LSAMP: variants seen among roughly 807,000 people sequenced by gnomAD.
LSAMP encodes the protein limbic system associated membrane protein, also known as limbic system-associated membrane protein.
Under a neutral mutation model 38.6 loss-of-function variants are expected in LSAMP, and 7 were observed. The observed-to-expected ratio is 0.18, with a 90% CI of 0.10 to 0.34. The LOEUF is 0.34. Among genes scored for constraint, LSAMP ranks in the 10% least tolerant of loss-of-function variants. The pLI is 1.00. For synonymous variants in LSAMP, 154 were observed against 166.8 expected (o/e 0.92, Z 0.59); for missense variants, 313 against 420.0 (o/e 0.75, Z 2.23).
At chr3:116,032,912 A>G (rs1338396695) in intron 2 of LSAMP, among the ~76,000 whole-genome samples, 1 of 152,184 alleles carries the variant, frequency 6.6e-6, no homozygotes, top group Admixed American at 6.6e-5. Context: ...AACTAGAGAT[A>G]AGAAAGTCTG....
At chr3:116,195,323 T>A (rs1386361936) in intron 1 of LSAMP, among the ~76,000 whole-genome samples, 1 of 152,226 alleles carries the variant, frequency 6.6e-6, no homozygotes, top group Non-Finnish European at 1.5e-5. Flanking sequence ...GATTTCTGAC[T>A]CCTGTTTCCT....
chr3:116,341,761 C>T (rs1487949150), intron 1 of LSAMP, among the ~76,000 whole-genome samples: 1 of 151,924 alleles, frequency 6.6e-6, no homozygotes, highest in Non-Finnish European at 1.5e-5. Context: ...GAAATGACTC[C>T]CGCCTTCCTT....
rs746842751 is a variant in LSAMP at position 116,345,835 on chromosome 3, A to G, written c.155+99042T>C. Among the ~76,000 whole-genome samples, 25 of 152,300 alleles carry G rather than the reference A, an allele frequency of 1.6e-4. 1 individual carries two copies. Among genetic ancestry groups the G allele is most frequent in the Admixed American group, 6.5e-4 (10 of 15,280 alleles). On this transcript the variant is annotated intron_variant, in intron 1 of 6. Coordinates refer to ENST00000490035, the MANE Select transcript of LSAMP (RefSeq NM_002338.5). ...AGAAGCTCAGGCTCTTATGTGATAA[A>G]ACAAAACAAGACAAAACCAAAACAA... is the stretch of plus-strand genomic sequence containing the variant.
intron 1 of LSAMP, among the ~76,000 whole-genome samples, chr3:116,170,314 T>G (rs1710165155): frequency 1.3e-5 from 2 of 151,980 alleles, no homozygotes; most frequent in South Asian, 4.1e-4. Flanking sequence ...TTATTTAATC[T>G]AATTGCTTAG....
intron 3 of LSAMP, among the ~76,000 whole-genome samples, chr3:115,928,694 G>A (rs899063782): frequency 2.0e-5 from 3 of 152,198 alleles, no homozygotes; most frequent in Non-Finnish European, 4.4e-5. Flanking sequence ...GTGAGGAGGG[G>A]CTGTAAAGGA....
At chr3:115,852,274 A>G (rs936531167) in intron 4 of LSAMP, among the ~76,000 whole-genome samples, 2 of 152,228 alleles carry the variant, frequency 1.3e-5, no homozygotes, top group Non-Finnish European at 2.9e-5. Flanking sequence ...GTACTGTTAA[A>G]TGTATTATGG....
chr3:116,196,666 T>C (rs576764150), intron 1 of LSAMP, among the ~76,000 whole-genome samples: 3 of 152,232 alleles, frequency 2.0e-5, no homozygotes, highest in East Asian at 3.9e-4. Context: ...GTAGCAGAAA[T>C]TTTTTCCTCC....
At chr3:116,021,214 T>C (rs1202081164) in intron 2 of LSAMP, among the ~76,000 whole-genome samples, 2 of 152,156 alleles carry the variant, frequency 1.3e-5, no homozygotes, top group Non-Finnish European at 2.9e-5. Flanking sequence ...ATCCTCCCTT[T>C]AGCTATTGGG....
Position 116,311,338 on chromosome 3 carries a change from CT to C in LSAMP, c.155+133538del, listed in dbSNP as rs965728963. On this transcript the variant is annotated intron_variant, in intron 1 of 6. Transcript: ENST00000490035. The stretch of plus-strand genomic sequence containing the variant: ...ACATTGAAATTAGTAGAGAATTTCA[CT>C]TTTTTTTTCTTTTTAATTTACAAAT... 3.4e-3 allele frequency among the ~76,000 whole-genome samples: 517 copies of C among 151,616 alleles called. 8 individuals carry two copies. Among genetic ancestry groups the C allele is most frequent in the East Asian group, 6.0e-3 (31 of 5,158 alleles).
At chr3:116,267,192 A>G (rs900309549) in intron 1 of LSAMP, among the ~76,000 whole-genome samples, 1 of 152,180 alleles carries the variant, frequency 6.6e-6, no homozygotes, top group African/African-American at 2.4e-5. Context: ...TGCATCCAGA[A>G]TATAAGAGAT....
chr3:116,013,796 C>G (rs1043882538), intron 3 of LSAMP, among the ~76,000 whole-genome samples: 1 of 152,116 alleles, frequency 6.6e-6, no homozygotes, highest in Non-Finnish European at 1.5e-5. Context: ...CATAACAAAA[C>G]CCCTACATCA....
At chr3:116,144,562 C>CTTTTTTTTT (rs3071080) in intron 1 of LSAMP, among the ~76,000 whole-genome samples, 3 of 142,146 alleles carry the variant, frequency 2.1e-5, no homozygotes, top group Non-Finnish European at 3.1e-5. Flanking sequence ...CATCACCTTA[C>CTTTTTTTTT]TTTTTTTTTT....
At chr3:116,151,428 A>G (rs979939400) in intron 1 of LSAMP, among the ~76,000 whole-genome samples, 1 of 152,028 alleles carries the variant, frequency 6.6e-6, no homozygotes, top group Non-Finnish European at 1.5e-5. Context: ...AAAATAATAT[A>G]TTCAGAGGCC....
chr3:115,945,373 A>G (rs964949756), intron 3 of LSAMP, among the ~76,000 whole-genome samples: 1 of 152,124 alleles, frequency 6.6e-6, no homozygotes, highest in Non-Finnish European at 1.5e-5. Flanking sequence ...AGGTATTCAC[A>G]TATGGGAGCC....
chr3:115,824,569 G>A (rs551638818), intron 6 of LSAMP, among the ~76,000 whole-genome samples: 7 of 152,016 alleles, frequency 4.6e-5, no homozygotes, highest in Non-Finnish European at 7.4e-5. Flanking sequence ...GGGTGTGGTG[G>A]CATGCACCTG....
chr3:116,165,420 C>T (rs1710025384), intron 1 of LSAMP, among the ~76,000 whole-genome samples: 1 of 152,136 alleles, frequency 6.6e-6, no homozygotes, highest in African/African-American at 2.4e-5. Flanking sequence ...GTTTGCCCTC[C>T]AGACCCCCCA....
intron 1 of LSAMP, among the ~76,000 whole-genome samples, chr3:116,106,950 G>A (rs1708482065): frequency 6.6e-6 from 1 of 152,146 alleles, no homozygotes; most frequent in African/African-American, 2.4e-5. Context: ...ATTTCCTTGA[G>A]GATAGATTTC....
intron 1 of LSAMP, among the ~76,000 whole-genome samples, chr3:116,210,968 G>A (rs904449793): frequency 2.6e-4 from 39 of 151,176 alleles, no homozygotes; most frequent in Non-Finnish European, 7.4e-5. Flanking sequence ...AAGAAAATGT[G>A]GTACATACAC....
chr3:116,208,995 G>A (rs1306652365), intron 1 of LSAMP, among the ~76,000 whole-genome samples: 1 of 152,188 alleles, frequency 6.6e-6, no homozygotes, highest in African/African-American at 2.4e-5. Context: ...GCCCCTCCCG[G>A]AGCCTCGCTG....
Sources: allele counts gnomAD v4.1 joint callset (sites outside exome capture counted in the v4.1 genomes callset), GRCh38; gene constraint gnomAD v4.1.1; transcripts MANE v1.5; gene names NCBI Gene and HGNC (gene_info 2026-07-23, HGNC 2026-07-21).